PPFIBP2: variants seen among roughly 807,000 people sequenced by gnomAD.
The protein encoded by PPFIBP2 is liprin-beta-2.
PPFIBP2 carries 118 observed loss-of-function variants against 118.3 expected under a neutral mutation model. The observed-to-expected ratio is 1.00, with a 90% confidence interval of 0.86 to 1.16. The LOEUF is 1.16. Among genes scored for constraint, PPFIBP2 ranks in the 50% most tolerant of loss-of-function variants. The probability of loss-of-function intolerance (pLI) is 0.00; values close to 1 mark genes in which losing one functional copy is unlikely to be tolerated. For missense variants in PPFIBP2, 1,195 were observed against 1,073.1 expected (o/e 1.11, Z -1.59); for synonymous variants, 414 against 397.4 (o/e 1.04, Z -0.50).
chr11:7,635,930 C>T (rs577435984), intron 14 of PPFIBP2, among the ~76,000 whole-genome samples: 18 of 152,274 alleles, frequency 1.2e-4, no homozygotes, highest in African/African-American at 3.4e-4. Context: ...AGCTCTCATC[C>T]TTTCTGTGCT....
downstream of PPFIBP2, among the ~76,000 whole-genome samples, chr11:7,659,600 C>G (rs1327595115): frequency 6.9e-6 from 1 of 145,592 alleles, no homozygotes; most frequent in African/African-American, 2.5e-5. Context: ...CAGCTTTGTT[C>G]TTTTGGCTTA....
intron 3 of PPFIBP2, among the ~76,000 whole-genome samples, chr11:7,576,242 C>T (rs1301537792): frequency 6.6e-6 from 1 of 152,266 alleles, no homozygotes; most frequent in African/African-American, 2.4e-5. Flanking sequence ...TCCTTTGCCA[C>T]AGCAGAGCTC....
At chr11:7,561,965 A>G (rs906477643) in intron 2 of PPFIBP2, among the ~76,000 whole-genome samples, 1 of 152,176 alleles carries the variant, frequency 6.6e-6, no homozygotes, top group African/African-American at 2.4e-5. Context: ...TTTTCCATGG[A>G]CCTGGGGAGT....
downstream of PPFIBP2, among the ~76,000 whole-genome samples, chr11:7,659,465 C>T (rs1393001273): frequency 2.0e-5 from 3 of 149,122 alleles, no homozygotes; most frequent in East Asian, 1.9e-4. Flanking sequence ...AGATATGTGG[C>T]GTTATTTCTG....
At chr11:7,554,990 C>T (rs1156531351) in intron 2 of PPFIBP2, among the ~76,000 whole-genome samples, 1 of 144,674 alleles carries the variant, frequency 6.9e-6, no homozygotes, top group Admixed American at 6.7e-5. Flanking sequence ...CCTGATTAGT[C>T]CCTGTGATTC....
At chr11:7,546,975 C>G (rs1250999274) in intron 1 of PPFIBP2, among the ~76,000 whole-genome samples, 1 of 152,226 alleles carries the variant, frequency 6.6e-6, no homozygotes, top group Non-Finnish European at 1.5e-5. Flanking sequence ...GGGCCTAGCA[C>G]AATGCTGGCT....
At chr11:7,621,407 TCAG>T (rs1203069371) in intron 7 of PPFIBP2, among the ~76,000 whole-genome samples, 2 of 152,140 alleles carry the variant, frequency 1.3e-5, no homozygotes, top group African/African-American at 4.8e-5. Context: ...CCTTCTAGAA[TCAG>T]TTTTTCAAAA....
intron 3 of PPFIBP2, among the ~76,000 whole-genome samples, chr11:7,582,513 C>A (rs1181320941): frequency 6.6e-6 from 1 of 152,138 alleles, no homozygotes; most frequent in Non-Finnish European, 1.5e-5. Context: ...GGCATCACAC[C>A]AGGGTCATTT....
At chr11:7,631,800 G>A (rs1347022047) in intron 11 of PPFIBP2, among the ~76,000 whole-genome samples, 1 of 152,168 alleles carries the variant, frequency 6.6e-6, no homozygotes, top group Non-Finnish European at 1.5e-5. Flanking sequence ...TTACAGAATA[G>A]CGGTGTCCAA....
At chr11:7,624,169 C>A (rs1426701341) in intron 7 of PPFIBP2, among the ~76,000 whole-genome samples, 1 of 152,214 alleles carries the variant, frequency 6.6e-6, no homozygotes, top group Non-Finnish European at 1.5e-5. Flanking sequence ...TGGCCTTCAT[C>A]TGTCCTGTTA....
At chr11:7,654,752 G>A (rs1015651283), downstream of PPFIBP2, among the ~76,000 whole-genome samples, 3 of 152,216 alleles carry the variant, frequency 2.0e-5, no homozygotes, top group African/African-American at 4.8e-5. Flanking sequence ...AGGGATCTCT[G>A]CATGTGCCTG....
intron 2 of PPFIBP2, among the ~76,000 whole-genome samples, chr11:7,564,048 C>T (rs1341711954): frequency 1.3e-5 from 2 of 152,082 alleles, no homozygotes; most frequent in Non-Finnish European, 2.9e-5. Flanking sequence ...CACCTGCAGT[C>T]CCAGCTACTC....
At chr11:7,594,306 A>G (rs1038546806) in intron 4 of PPFIBP2, among the ~76,000 whole-genome samples, 1 of 152,154 alleles carries the variant, frequency 6.6e-6, no homozygotes. Flanking sequence ...TATTGTAAAT[A>G]ACTGAGCTCA....
intron 3 of PPFIBP2, among the ~76,000 whole-genome samples, chr11:7,566,067 T>A (rs1854938997): frequency 6.6e-6 from 1 of 151,844 alleles, no homozygotes; most frequent in African/African-American, 2.4e-5. Context: ...ACCCTCGAAT[T>A]ACATGTACTG....
At chr11:7,645,055 A>G (rs1852842861) in intron 17 of PPFIBP2, among the ~76,000 whole-genome samples, 1 of 143,368 alleles carries the variant, frequency 7.0e-6, no homozygotes, top group East Asian at 2.0e-4. Flanking sequence ...AAAAAAAAAA[A>G]AAAAGGTATT....
At chr11:7,568,748 C>T (rs1490325400) in intron 3 of PPFIBP2, 1 of 152,156 alleles carries the variant, frequency 6.6e-6, no homozygotes, top group Non-Finnish European at 1.5e-5. Context: ...TCCATGTTTT[C>T]TCAATATGTT....
rs201003988 is a variant in PPFIBP2, at chr11:7,602,087, C to CAAAAAAAAAAAAAA, written c.486+4425_486+4438dup. 4.1e-4 allele frequency among the ~76,000 whole-genome samples: 23 copies of CAAAAAAAAAAAAAA among 56,178 alleles called. 1 individual carries two copies. The highest frequency in any genetic ancestry group is 6.1e-4 in the Non-Finnish European group (17 of 28,018). 36.9% of individuals were successfully genotyped at this position (56,178 alleles called of 152,430 possible). ...CAGCCTGGGCAACAAGAATGAAACT[C>CAAAAAAAAAAAAAA]AAAAAAAAAAAAAAAAAAAAAAAAG... On this transcript the variant is annotated intron_variant, in intron 5 of 23. Coordinates refer to ENST00000299492, the MANE Select transcript of PPFIBP2 (RefSeq NM_003621.5).
rs182586828 is a variant in PPFIBP2 at position 7,641,700 on chromosome 11, G to C, written c.1517+80G>C. The C allele has an allele frequency of 1.1e-5, 15 of 1,382,320 alleles. No homozygotes were observed. In the Admixed American group the frequency reaches 1.6e-4, roughly 14 times the overall value. The allele number at this position is 1,382,320 out of a possible 1,614,324, so 85.6% of individuals were successfully genotyped here. A position where few individuals can be genotyped will look rare whatever the true frequency, so the allele number is the denominator to read the frequency against. On this transcript the variant is annotated intron_variant, in intron 16 of 23. Transcript: ENST00000299492. Reference sequence around the variant, plus strand: ...GGGCAAAGAGTCTATGTAAGCCCCTGGTCCAATAGACACTGAAACAGCAGT... The same window carrying C: ...GGGCAAAGAGTCTATGTAAGCCCCTCGTCCAATAGACACTGAAACAGCAGT...
At chr11:7,641,854 C>G (rs1852244278) in intron 16 of PPFIBP2, 1 of 551,964 alleles carries the variant, frequency 1.8e-6, no homozygotes. Context: ...TAAGCACCCA[C>G]CCATTCCACA....
Sources: allele counts gnomAD v4.1 joint callset (sites outside exome capture counted in the v4.1 genomes callset), GRCh38; gene constraint gnomAD v4.1.1; transcripts MANE v1.5; gene names NCBI Gene and HGNC (gene_info 2026-07-23, HGNC 2026-07-21).